Variants in ASTN2 observed in about 807,000 individuals in gnomAD.
ASTN2 encodes the protein astrotactin-2.
In ASTN2, 54 loss-of-function variants were observed where a neutral mutation model predicts 139.8. The ratio of observed to expected loss-of-function variants is 0.39; its 90% CI spans 0.31 to 0.48. The LOEUF (loss-of-function observed/expected upper bound fraction) is 0.48, where lower values mean the gene tolerates loss of function less well. Among genes scored for constraint, ASTN2 ranks in the 20% least tolerant of loss-of-function variants. ASTN2 has a pLI of 0.95. For missense variants in ASTN2, 1,565 were observed against 1,725.1 expected (o/e 0.91, Z 1.64); for synonymous variants, 756 against 719.5 (o/e 1.05, Z -0.81).
chr9:116,728,759 C>T (rs112305637), intron 15 of ASTN2, among the ~76,000 whole-genome samples: 2 of 152,272 alleles, frequency 1.3e-5, no homozygotes, highest in African/African-American at 4.8e-5. Context: ...CTAGCTCCCC[C>T]AGAATGATTA....
At chr9:117,400,787 A>C (rs1830807369) in intron 1 of ASTN2, among the ~76,000 whole-genome samples, 1 of 152,142 alleles carries the variant, frequency 6.6e-6, no homozygotes, top group Non-Finnish European at 1.5e-5. Flanking sequence ...GTTTAATCTC[A>C]TCACATTAGA....
intron 11 of ASTN2, among the ~76,000 whole-genome samples, chr9:116,841,370 A>AGAGAGG (rs201598750): frequency 1.5e-3 from 230 of 152,270 alleles, no homozygotes; most frequent in Non-Finnish European, 2.7e-3. Context: ...GACCGTGGAA[A>AGAGAGG]GAGAGGGAGA....
chr9:116,648,080 G>A (rs1458349756), intron 17 of ASTN2, among the ~76,000 whole-genome samples: 1 of 151,142 alleles, frequency 6.6e-6, no homozygotes, highest in East Asian at 1.9e-4. Flanking sequence ...TGGCTCACTG[G>A]AACCACTGCC....
At chr9:116,512,835 T>C (rs11521563) in intron 19 of ASTN2, among the ~76,000 whole-genome samples, 30,888 of 152,118 alleles carry the variant, frequency 0.2, 3,273 homozygotes, top group Non-Finnish European at 0.23. Context: ...CCCTGTCTTT[T>C]TGTTTTCCAT....
At chr9:117,348,117 T>C (rs1332533225) in intron 1 of ASTN2, among the ~76,000 whole-genome samples, 3 of 152,132 alleles carry the variant, frequency 2.0e-5, no homozygotes, top group Non-Finnish European at 2.9e-5. Flanking sequence ...TGAAGGTAGG[T>C]AACTGGGGAG....
chr9:117,226,653 G>A (rs1832723235), intron 2 of ASTN2, among the ~76,000 whole-genome samples: 1 of 152,122 alleles, frequency 6.6e-6, no homozygotes, highest in Non-Finnish European at 1.5e-5. Flanking sequence ...AATGAACTAG[G>A]CATTTCTAAC....
At chr9:116,852,878 T>TACAC (rs3040211) in intron 11 of ASTN2, among the ~76,000 whole-genome samples, 12,393 of 134,174 alleles carry the variant, frequency 0.092, 851 homozygotes, top group East Asian at 0.26. Context: ...AAGGGGAAAA[T>TACAC]ACACACACAC....
At chr9:117,144,978 T>C (rs1366687232) in intron 3 of ASTN2, among the ~76,000 whole-genome samples, 1 of 152,024 alleles carries the variant, frequency 6.6e-6, no homozygotes, top group Non-Finnish European at 1.5e-5. Flanking sequence ...CCACTACGCC[T>C]GGCTCTTTTT....
In ASTN2 at chr9:117,298,023, C is replaced by T. The variant is rs933824664; in HGVS notation, c.443-6510G>A. Among the ~76,000 whole-genome samples, 3 of 152,190 alleles carry T rather than the reference C, an allele frequency of 2.0e-5. No individual in the cohort carries two copies. In the South Asian group the frequency reaches 6.2e-4, roughly 31 times the overall value. On this transcript the variant is annotated intron_variant, in intron 1 of 22. Coordinates refer to ENST00000313400, the MANE Select transcript of ASTN2 (RefSeq NM_001365068.1). ...GCTCCTTAACAGGTATCCCTACCTT[C>T]GGGCTTCCTTCCTTCCAGCCAACCA...
At chr9:117,135,332 T>G (rs142470178) in intron 4 of ASTN2, among the ~76,000 whole-genome samples, 7 of 152,284 alleles carry the variant, frequency 4.6e-5, no homozygotes, top group Non-Finnish European at 8.8e-5. Flanking sequence ...TATGGGTTAT[T>G]GGGAAGTTTT....
At chr9:116,545,726 C>T (rs926942685) in intron 19 of ASTN2, 2 of 152,026 alleles carry the variant, frequency 1.3e-5, no homozygotes, top group African/African-American at 4.8e-5. Context: ...AAAATTCATT[C>T]AACAAACATT....
chr9:117,071,176 C>G (rs1201539480), intron 5 of ASTN2, among the ~76,000 whole-genome samples: 4 of 149,832 alleles, frequency 2.7e-5, no homozygotes, highest in African/African-American at 1.0e-4. Flanking sequence ...TGGTGATGTA[C>G]AGATGGGTTT....
At chr9:116,773,104 T>TTTAC (rs1829997790) in intron 13 of ASTN2, among the ~76,000 whole-genome samples, 2 of 144,956 alleles carry the variant, frequency 1.4e-5, no homozygotes, top group Non-Finnish European at 3.0e-5. Flanking sequence ...TTTTTTTGAA[T>TTTAC]ACCTGTCTTG....
In ASTN2 at chr9:117,330,098, T is replaced by C. The variant is rs187520673; in HGVS notation, c.443-38585A>G. Among the ~76,000 whole-genome samples, 146 of 152,324 alleles carry C rather than the reference T, an allele frequency of 9.6e-4. 1 individual carries two copies. The highest frequency in any genetic ancestry group is 1.7e-3 in the Non-Finnish European group (113 of 68,026). Reference sequence around the variant, plus strand: ...CTTAATCCATCTGAGGACTTGCTTCTCTTTACCCATGGTTTTCTCCTTAAT... The same window carrying C: ...CTTAATCCATCTGAGGACTTGCTTCCCTTTACCCATGGTTTTCTCCTTAAT... On this transcript the variant is annotated intron_variant, in intron 1 of 22. Coordinates refer to ENST00000313400, the MANE Select transcript of ASTN2 (RefSeq NM_001365068.1).
chr9:117,344,844 C>T (rs921538794), intron 1 of ASTN2, among the ~76,000 whole-genome samples: 1 of 152,180 alleles, frequency 6.6e-6, no homozygotes, highest in African/African-American at 2.4e-5. Context: ...AATGTGAATG[C>T]TGCCCTTCCA....
intron 5 of ASTN2, among the ~76,000 whole-genome samples, chr9:117,065,391 G>C (rs1432301719): frequency 1.3e-5 from 2 of 151,782 alleles, no homozygotes; most frequent in African/African-American, 4.8e-5. Flanking sequence ...CCTTTTTTTC[G>C]AGACTCAGTA....
chr9:117,206,605 C>T (rs950161360), intron 3 of ASTN2, among the ~76,000 whole-genome samples: 1 of 152,182 alleles, frequency 6.6e-6, no homozygotes, highest in African/African-American at 2.4e-5. Flanking sequence ...TTACCCCAAG[C>T]CCACACGGGT....
At chr9:116,672,908 T>C (rs1161287411) in intron 16 of ASTN2, among the ~76,000 whole-genome samples, 1 of 152,138 alleles carries the variant, frequency 6.6e-6, no homozygotes, top group African/African-American at 2.4e-5. Flanking sequence ...TAATAACAAA[T>C]GCAATATAAT....
chr9:116,732,333 G>A (rs1828807075), intron 14 of ASTN2, among the ~76,000 whole-genome samples: 1 of 152,202 alleles, frequency 6.6e-6, no homozygotes, highest in Non-Finnish European at 1.5e-5. Flanking sequence ...TTAAGCACAT[G>A]TGGGTTCTCT....
Sources: allele counts gnomAD v4.1 joint callset (sites outside exome capture counted in the v4.1 genomes callset), GRCh38; gene constraint gnomAD v4.1.1; transcripts MANE v1.5; gene names NCBI Gene and HGNC (gene_info 2026-07-23, HGNC 2026-07-21).